BTBD9: variants seen among roughly 807,000 people sequenced by gnomAD.
The protein encoded by BTBD9 is BTB domain containing 9.
Under a neutral mutation model 64.3 loss-of-function variants are expected in BTBD9, and 49 were observed. The observed-to-expected ratio is 0.76, with a 90% CI of 0.61 to 0.97. The LOEUF is 0.97. Ranked by LOEUF, BTBD9 falls within the 50% of genes least tolerant of loss-of-function variation. The pLI, the probability that BTBD9 is intolerant of heterozygous loss-of-function variation, is 0.00. For synonymous variants in BTBD9, 260 were observed against 274.7 expected (o/e 0.95, Z 0.53); for missense variants, 598 against 762.1 (o/e 0.78, Z 2.53).
chr6:38,302,485 G>GTATATGTATATATATATA (rs1554137023), intron 7 of BTBD9, among the ~76,000 whole-genome samples: 1 of 106,908 alleles, frequency 9.4e-6, no homozygotes, highest in Non-Finnish European at 1.9e-5. Context: ...TTGTGTGTAT[G>GTATATGTATATATATATA]TATATATATA....
chr6:38,545,387 A>C (rs1774486945), intron 6 of BTBD9, among the ~76,000 whole-genome samples: 1 of 152,178 alleles, frequency 6.6e-6, no homozygotes, highest in Non-Finnish European at 1.5e-5. Flanking sequence ...GGAGGCTTTG[A>C]CTTATGTTTA....
chr6:38,465,753 A>ATATGTG (rs1770350155), intron 6 of BTBD9, among the ~76,000 whole-genome samples: 1 of 39,714 alleles, frequency 2.5e-5, no homozygotes, highest in African/African-American at 9.8e-5. Flanking sequence ...ATATATATAT[A>ATATGTG]TATGTATGTA....
chr6:38,437,625 T>TA (rs1562185711), intron 6 of BTBD9, among the ~76,000 whole-genome samples: 7 of 152,230 alleles, frequency 4.6e-5, no homozygotes, highest in African/African-American at 1.7e-4. Flanking sequence ...TTTAATCTTA[T>TA]ACCCCAGACA....
intron 6 of BTBD9, among the ~76,000 whole-genome samples, chr6:38,474,022 T>C (rs1770769042): frequency 6.6e-6 from 1 of 152,096 alleles, no homozygotes; most frequent in Non-Finnish European, 1.5e-5. Context: ...AAGGCTGGAG[T>C]ATTTAATAAA....
At chr6:38,176,888 T>C (rs1260450608) in intron 10 of BTBD9, among the ~76,000 whole-genome samples, 1 of 152,144 alleles carries the variant, frequency 6.6e-6, no homozygotes, top group Non-Finnish European at 1.5e-5. Flanking sequence ...CAGGGATAGG[T>C]GAGGTCAGGC....
chr6:38,387,490 T>A (rs1766229657), intron 6 of BTBD9, among the ~76,000 whole-genome samples: 1 of 151,960 alleles, frequency 6.6e-6, no homozygotes, highest in Non-Finnish European at 1.5e-5. Context: ...TGAGCTGAGA[T>A]CACGCCACTG....
At chr6:38,260,494 T>C (rs1424185847) in intron 8 of BTBD9, among the ~76,000 whole-genome samples, 2 of 152,104 alleles carry the variant, frequency 1.3e-5, no homozygotes, top group Non-Finnish European at 2.9e-5. Context: ...AAACATTTCA[T>C]GGAAAATGAC....
intron 6 of BTBD9, among the ~76,000 whole-genome samples, chr6:38,502,029 G>C (rs941830091): frequency 3.3e-5 from 5 of 152,304 alleles, no homozygotes; most frequent in Admixed American, 3.3e-4. Flanking sequence ...CTGGTATAGA[G>C]ATAGCAATCT....
chr6:38,225,421 C>T (rs559267746), intron 9 of BTBD9, among the ~76,000 whole-genome samples: 2 of 152,206 alleles, frequency 1.3e-5, no homozygotes, highest in Admixed American at 1.3e-4. Flanking sequence ...CAAAAGCTTC[C>T]CCAGTGGTAA....
chr6:38,451,271 T>A (rs927976423), intron 6 of BTBD9, among the ~76,000 whole-genome samples: 1 of 152,208 alleles, frequency 6.6e-6, no homozygotes, highest in Non-Finnish European at 1.5e-5. Flanking sequence ...GTTATAAACA[T>A]AACTTGACAA....
chr6:38,302,030 G>T (rs1343632872), intron 7 of BTBD9, among the ~76,000 whole-genome samples: 2 of 152,046 alleles, frequency 1.3e-5, no homozygotes, highest in East Asian at 3.9e-4. Context: ...CATTTATGGG[G>T]TAAAGTATGA....
intron 6 of BTBD9, among the ~76,000 whole-genome samples, chr6:38,557,074 T>TCAC (rs1393901199): frequency 8.7e-6 from 1 of 114,586 alleles, no homozygotes; most frequent in African/African-American, 3.4e-5. Context: ...GCACGGTGGC[T>TCAC]CACATCCTCA....
intron 10 of BTBD9, among the ~76,000 whole-genome samples, chr6:38,182,993 T>C (rs898268162): frequency 3.3e-5 from 5 of 152,100 alleles, no homozygotes; most frequent in Non-Finnish European, 7.4e-5. Context: ...TTTTTTTTTT[T>C]TTCTGAGACA....
chr6:38,237,326 C>G (rs1763810944), intron 9 of BTBD9, among the ~76,000 whole-genome samples: 1 of 152,168 alleles, frequency 6.6e-6, no homozygotes, highest in African/African-American at 2.4e-5. Context: ...TCATTCTGAT[C>G]AACAAATCCA....
chr6:38,566,211 T>C (rs1322160094), intron 6 of BTBD9, among the ~76,000 whole-genome samples: 1 of 152,202 alleles, frequency 6.6e-6, no homozygotes, highest in East Asian at 1.9e-4. Flanking sequence ...TGATTACACA[T>C]AGAAGGCTAA....
intron 6 of BTBD9, among the ~76,000 whole-genome samples, chr6:38,403,683 G>C (rs572376438): frequency 6.6e-6 from 1 of 152,276 alleles, no homozygotes; most frequent in South Asian, 2.1e-4. Flanking sequence ...TCGTCAAAAA[G>C]TTAAAGACAG....
At chr6:38,430,524 A>T (rs893640687) in intron 6 of BTBD9, among the ~76,000 whole-genome samples, 35 of 136,472 alleles carry the variant, frequency 2.6e-4, no homozygotes, top group Admixed American at 8.9e-4. Flanking sequence ...AAAAAAAAAA[A>T]TTTTTTTTTG....
chr6:38,434,818 ACAGTCCCG>A (rs1345144901), intron 6 of BTBD9, among the ~76,000 whole-genome samples: 7 of 151,944 alleles, frequency 4.6e-5, no homozygotes, highest in Non-Finnish European at 1.0e-4. Context: ...TATGTATACT[ACAGTCCCG>A]CAGTATCCAC....
chr6:38,627,086 GATT>G (rs1778194457), intron 1 of BTBD9, among the ~76,000 whole-genome samples: 1 of 152,150 alleles, frequency 6.6e-6, no homozygotes, highest in African/African-American at 2.4e-5. Flanking sequence ...ATGCATACAA[GATT>G]ATTACCACTT....
Sources: gnomAD v4.1 joint callset for allele counts (sites outside exome capture counted in the v4.1 genomes callset) on GRCh38, gnomAD v4.1.1 for gene constraint, MANE v1.5 for transcripts, NCBI Gene and HGNC (gene_info 2026-07-23, HGNC 2026-07-21) for gene names.